The following CREBRF variants were observed in gnomAD, a reference collection of about 807,000 sequenced individuals.
CREBRF encodes the protein UPF0474 protein C5orf41.
In CREBRF, 5 loss-of-function variants were observed where a neutral mutation model predicts 66.1. The observed-to-expected ratio is 0.08, with a 90% CI of 0.04 to 0.16. CREBRF has a LOEUF of 0.16. Ranked by LOEUF, CREBRF falls within the 10% of genes least tolerant of loss-of-function variation. CREBRF has a pLI of 1.00. For missense variants in CREBRF, 531 were observed against 744.9 expected (o/e 0.71, Z 3.34); for synonymous variants, 229 against 264.4 (o/e 0.87, Z 1.30).
intron 1 of CREBRF, among the ~76,000 whole-genome samples, chr5:173,078,969 A>G (rs1240300691): frequency 1.3e-5 from 2 of 152,206 alleles, no homozygotes; most frequent in African/African-American, 4.8e-5. Flanking sequence ...GGCCTAAGTC[A>G]TAGGTCTAGA....
chr5:173,108,303 A>T (rs1218543350), intron 4 of CREBRF, among the ~76,000 whole-genome samples: 2 of 152,202 alleles, frequency 1.3e-5, no homozygotes, highest in Non-Finnish European at 2.9e-5. Context: ...ATATTCCTAT[A>T]GCTGTCCTGT....
intron 4 of CREBRF, among the ~76,000 whole-genome samples, chr5:173,095,111 T>A (rs1376091392): frequency 1.3e-5 from 2 of 152,072 alleles, no homozygotes; most frequent in African/African-American, 4.8e-5. Context: ...GGGAATTTAT[T>A]TCTGGGCTCT....
At chr5:173,082,244 A>T (rs1581671617) in intron 2 of CREBRF, among the ~76,000 whole-genome samples, 2 of 151,600 alleles carry the variant, frequency 1.3e-5, no homozygotes, top group Admixed American at 6.6e-5. Context: ...CGATCTCCTG[A>T]CCTCGTGATC....
chr5:173,109,948 T>A, intron 5 of CREBRF: 1 of 160,894 alleles, frequency 6.2e-6, no homozygotes, highest in East Asian at 1.8e-4. Context: ...GAGCCATCCC[T>A]TTTGCCTGGA....
At chr5:173,119,696 C>T (rs78732661) in intron 7 of CREBRF, among the ~76,000 whole-genome samples, 11,239 of 152,148 alleles carry the variant, frequency 0.074, 552 homozygotes, top group Non-Finnish European at 0.11. Context: ...TGTTTACAAT[C>T]TCAGGGGAAA....
intron 8 of CREBRF, among the ~76,000 whole-genome samples, chr5:173,131,731 C>T (rs1232519080): frequency 1.4e-5 from 2 of 138,978 alleles, no homozygotes; most frequent in Admixed American, 7.2e-5. Context: ...CACACACACA[C>T]TTTTTTTTGT....
intron 2 of CREBRF, among the ~76,000 whole-genome samples, chr5:173,082,003 G>GGTT (rs1757959628): frequency 2.6e-5 from 2 of 78,046 alleles, no homozygotes; most frequent in Non-Finnish European, 4.9e-5. Context: ...TCAAGGTTTA[G>GGTT]TTTTTTTTTT....
intron 7 of CREBRF, among the ~76,000 whole-genome samples, chr5:173,122,864 T>C (rs1759173791): frequency 6.8e-6 from 1 of 147,780 alleles, no homozygotes; most frequent in Non-Finnish European, 1.5e-5. Context: ...TTTTTTGTCC[T>C]TGCGATAGTT....
At chr5:173,098,470 ATTATT>A (rs1758532639) in intron 4 of CREBRF, among the ~76,000 whole-genome samples, 1 of 152,122 alleles carries the variant, frequency 6.6e-6, no homozygotes, top group Non-Finnish European at 1.5e-5. Flanking sequence ...CATACTTGGT[ATTATT>A]TCAGTCTTCT....
At chr5:173,127,162 CTTTTTTTTT>C (rs70984944) in intron 8 of CREBRF, among the ~76,000 whole-genome samples, 2 of 114,762 alleles carry the variant, frequency 1.7e-5, no homozygotes, top group African/African-American at 6.7e-5. Context: ...GTTTCTTTTT[CTTTTTTTTT>C]TTTTTTTTTT....
intron 4 of CREBRF, among the ~76,000 whole-genome samples, chr5:173,102,871 A>G (rs1320555645): frequency 6.6e-6 from 1 of 151,980 alleles, no homozygotes; most frequent in African/African-American, 2.4e-5. Flanking sequence ...GTCCATGGGA[A>G]CCATTTTGGA....
chr5:173,075,370 C>T (rs929984684), intron 1 of CREBRF, among the ~76,000 whole-genome samples: 2 of 152,138 alleles, frequency 1.3e-5, no homozygotes, highest in African/African-American at 4.8e-5. Flanking sequence ...CAGTGTATTC[C>T]TTGCATAGGC....
At chr5:173,124,074 A>T (rs1192485185) in intron 8 of CREBRF, 1 of 152,166 alleles carries the variant, frequency 6.6e-6, no homozygotes, top group Non-Finnish European at 1.5e-5. Flanking sequence ...GAAATTTAAC[A>T]TTACAAGAAA....
chr5:173,095,586 C>G (rs1182730806), intron 4 of CREBRF, among the ~76,000 whole-genome samples: 2 of 152,098 alleles, frequency 1.3e-5, no homozygotes, highest in East Asian at 3.8e-4. Context: ...TATTCAGAAT[C>G]TTTTGTGATT....
chr5:173,129,532 G>A (rs762869167), intron 8 of CREBRF, among the ~76,000 whole-genome samples: 1 of 151,904 alleles, frequency 6.6e-6, no homozygotes, highest in Non-Finnish European at 1.5e-5. Flanking sequence ...AGCCAGCTTG[G>A]GCAACATAAG....
chr5:173,090,254 T>C lies in CREBRF; in HGVS notation c.136-61T>C, dbSNP rs1758287530. On this transcript the variant is annotated intron_variant, in intron 3 of 8. Transcript: ENST00000296953. This position sits in a 1 kb window ranked among gnomAD's most constrained non-coding sequence, Gnocchi z 4.5. ...AGTATTGATTTATCAGTTTGACATA[T>C]GGAGGTGAATATTTCCTTCTGAAAT... The C allele has an allele frequency of 6.7e-6, 9 of 1,352,172 alleles. No individual in the cohort carries two copies. The South Asian group carries it at 7.2e-5, about 11-fold the overall frequency. 83.8% of individuals were successfully genotyped at this position (1,352,172 alleles called of 1,614,324 possible).
intron 1 of CREBRF, among the ~76,000 whole-genome samples, chr5:173,073,286 G>C (rs1242547971): frequency 6.6e-6 from 1 of 152,138 alleles, no homozygotes; most frequent in Non-Finnish European, 1.5e-5. Flanking sequence ...ATGTAAAAAG[G>C]GTTGGACAGG....
intron 8 of CREBRF, among the ~76,000 whole-genome samples, chr5:173,126,105 A>G (rs1027796471): frequency 7.2e-5 from 11 of 151,892 alleles, no homozygotes; most frequent in Admixed American, 5.9e-4. Flanking sequence ...TCATATCTTT[A>G]GTTCCTTTCT....
In CREBRF at chr5:173,133,790, C is replaced by T. The variant is rs35387209; in HGVS notation, c.*45C>T. 116,639 of 998,574 alleles carry T rather than the reference C, an allele frequency of 0.12. 7,607 individuals are homozygous for T. The highest frequency in any genetic ancestry group is 0.16 in the South Asian group (11,639 of 71,038). The allele number at this position is 998,574 out of a possible 1,614,324, so 61.9% of individuals were successfully genotyped here. On this transcript the variant is annotated 3_prime_UTR_variant, in exon 9 of 9. Coordinates refer to ENST00000296953, the MANE Select transcript of CREBRF (RefSeq NM_153607.3). Reference sequence around the variant, plus strand: ...GGTCAGAAATGTCTGCGTTTTGTCACGTTATCCATTGTAAATTTTCATTCT... The same window carrying T: ...GGTCAGAAATGTCTGCGTTTTGTCATGTTATCCATTGTAAATTTTCATTCT...
Sources: gnomAD v4.1 joint callset for allele counts (sites outside exome capture counted in the v4.1 genomes callset) on GRCh38, gnomAD v4.1.1 for gene constraint, Gnocchi (gnomAD v3.1) non-coding constraint, MANE v1.5 for transcripts, NCBI Gene and HGNC (gene_info 2026-07-23, HGNC 2026-07-21) for gene names.